EGFR: variants seen among roughly 807,000 people sequenced by gnomAD.
The protein encoded by EGFR is avian erythroblastic leukemia viral (v-erb-b) oncogene homolog.
EGFR carries 58 observed loss-of-function variants against 143.0 expected under a neutral mutation model. That is an observed-to-expected ratio of 0.41 (90% CI 0.33 to 0.50). The LOEUF is 0.50. Among genes scored for constraint, EGFR ranks in the 20% least tolerant of loss-of-function variants. The pLI, the probability that EGFR is intolerant of heterozygous loss-of-function variation, is 0.39. For synonymous variants in EGFR, 613 were observed against 594.4 expected (o/e 1.03, Z -0.45); for missense variants, 1,307 against 1,579.0 (o/e 0.83, Z 2.92).
rs1258629991 is a variant in EGFR, at chr7:55,209,804, ATTTTT to A, written c.*4188_*4192del. On this transcript the variant is annotated 3_prime_UTR_variant, in exon 28 of 28. Transcript: ENST00000275493. The stretch of plus-strand genomic sequence containing the variant: ...TGTAGCACTGAACTTTGTACAATAT[ATTTTT>A]AGAAACTCATTTTTCTACTAAAACA... 1 of 152,192 alleles carries A rather than the reference ATTTTT, an allele frequency of 6.6e-6. No homozygotes were observed. The highest frequency in any genetic ancestry group is 1.5e-5 in the Non-Finnish European group (1 of 68,036). 9.4% of individuals were successfully genotyped at this position (152,192 alleles called of 1,614,324 possible).
intron 1 of EGFR, among the ~76,000 whole-genome samples, chr7:55,116,250 C>T (rs1390829615): frequency 2.0e-5 from 3 of 152,368 alleles, no homozygotes; most frequent in African/African-American, 7.2e-5. Flanking sequence ...GGCCTTCACA[C>T]CTTCTCTGCT....
chr7:55,179,366 G>A (rs1469956807), intron 19 of EGFR, among the ~76,000 whole-genome samples: 7 of 152,232 alleles, frequency 4.6e-5, no homozygotes, highest in African/African-American at 1.7e-4. Flanking sequence ...AGGTTCCCAG[G>A]CAATGCTGAG....
At chr7:55,133,426 G>T (rs1359321500) in intron 1 of EGFR, among the ~76,000 whole-genome samples, 1 of 152,226 alleles carries the variant, frequency 6.6e-6, no homozygotes, top group Admixed American at 6.5e-5. Flanking sequence ...GGGACGTGAA[G>T]TCAGAGGGGA....
intron 1 of EGFR, among the ~76,000 whole-genome samples, chr7:55,032,885 C>T (rs1374557507): frequency 1.3e-5 from 2 of 152,192 alleles, no homozygotes; most frequent in Non-Finnish European, 2.9e-5. Context: ...CAGGAATTTA[C>T]TACCTTTGCA....
chr7:55,082,726 G>A (rs1790534191), intron 1 of EGFR, among the ~76,000 whole-genome samples: 2 of 152,222 alleles, frequency 1.3e-5, no homozygotes, highest in Admixed American at 6.5e-5. Flanking sequence ...GCCGTAGTGT[G>A]TGGCTTCCCC....
At chr7:55,121,763 T>C (rs1424650494) in intron 1 of EGFR, among the ~76,000 whole-genome samples, 4 of 152,242 alleles carry the variant, frequency 2.6e-5, no homozygotes, top group Non-Finnish European at 5.9e-5. Flanking sequence ...AAGAACTTCC[T>C]CTTACTAGAA....
intron 1 of EGFR, among the ~76,000 whole-genome samples, chr7:55,134,450 C>T (rs577549353): frequency 4.6e-5 from 7 of 152,344 alleles, no homozygotes; most frequent in South Asian, 4.1e-4. Flanking sequence ...TGCCTTCCTC[C>T]GTCCAAAAGC....
intron 1 of EGFR, among the ~76,000 whole-genome samples, chr7:55,116,744 TAGA>T (rs2128910993): frequency 6.6e-6 from 1 of 152,352 alleles, no homozygotes; most frequent in South Asian, 2.1e-4. Context: ...TTTGCTTACA[TAGA>T]ATCCTCCAGT....
At chr7:55,133,294 T>G (rs1347010739) in intron 1 of EGFR, among the ~76,000 whole-genome samples, 1 of 152,000 alleles carries the variant, frequency 6.6e-6, no homozygotes, top group Non-Finnish European at 1.5e-5. Context: ...GAAGAAAGAG[T>G]GAGCTGCCCA....
Position 55,019,370 on chromosome 7 carries a change from G to T in EGFR, c.88+5G>T, listed in dbSNP as rs2128853566. 3 of 1,470,802 alleles carry T rather than the reference G, an allele frequency of 2.0e-6. No homozygotes were observed. The highest frequency in any genetic ancestry group is 2.1e-4 in the Middle Eastern group (1 of 4,810). The allele number at this position is 1,470,802 out of a possible 1,614,324, so 91.1% of individuals were successfully genotyped here. On this transcript the variant is annotated splice_donor_5th_base_variant and intron_variant, in intron 1 of 27. Coordinates refer to ENST00000275493, the MANE Select transcript of EGFR (RefSeq NM_005228.5). ...GGGCTCTGGAGGAAAAGAAAGGTAAGGGCGTGTCTCGCCGGCTCCCGCGCC... is the reference window on the plus strand; with the variant it reads ...GGGCTCTGGAGGAAAAGAAAGGTAATGGCGTGTCTCGCCGGCTCCCGCGCC...
At chr7:55,161,828 G>A (rs562341620) in intron 13 of EGFR, among the ~76,000 whole-genome samples, 197 bp downstream of exon 13, 68 of 152,170 alleles carry the variant, frequency 4.5e-4, no homozygotes, top group Non-Finnish European at 8.5e-4. Context: ...AGCACAATAG[G>A]AAATAAGCAA....
At chr7:55,050,325 T>C (rs753074519) in intron 1 of EGFR, among the ~76,000 whole-genome samples, 5 of 152,214 alleles carry the variant, frequency 3.3e-5, no homozygotes, top group African/African-American at 4.8e-5. Context: ...GCACCTCTTA[T>C]AAGTGGATCA....
intron 1 of EGFR, among the ~76,000 whole-genome samples, chr7:55,127,892 G>A (rs1793621624): frequency 1.3e-5 from 2 of 152,222 alleles, no homozygotes. Context: ...TCAGCCCCGG[G>A]AAAGGCCACT....
intron 1 of EGFR, among the ~76,000 whole-genome samples, chr7:55,087,453 A>G (rs1445086292): frequency 6.6e-6 from 1 of 152,150 alleles, no homozygotes; most frequent in Non-Finnish European, 1.5e-5. Flanking sequence ...TCTCAGAAAC[A>G]TTCTATCCGG....
At chr7:55,042,173 A>T (rs1486794706) in intron 1 of EGFR, among the ~76,000 whole-genome samples, 1 of 152,246 alleles carries the variant, frequency 6.6e-6, no homozygotes, top group East Asian at 1.9e-4. Context: ...CATGACAACC[A>T]TTAAAGATTA....
intron 16 of EGFR, 141 bp downstream of exon 16, chr7:55,171,354 G>C (rs1188163766): frequency 4.0e-6 from 5 of 1,242,242 alleles, no homozygotes; most frequent in Non-Finnish European, 5.8e-6. Flanking sequence ...CCCTCAGCCA[G>C]GGTTTCTGCA....
At chr7:55,066,543 A>G (rs1217556661) in intron 1 of EGFR, among the ~76,000 whole-genome samples, 1 of 152,202 alleles carries the variant, frequency 6.6e-6, no homozygotes, top group African/African-American at 2.4e-5. Flanking sequence ...ACTGTAACGA[A>G]TTATCTTTCG....
At chr7:55,056,777 T>C (rs1260320424) in intron 1 of EGFR, among the ~76,000 whole-genome samples, 2 of 152,230 alleles carry the variant, frequency 1.3e-5, no homozygotes, top group African/African-American at 2.4e-5. Context: ...GGTGTTTTCA[T>C]TGGATCCAAA....
intron 15 of EGFR, among the ~76,000 whole-genome samples, chr7:55,169,004 T>G (rs1786209879): frequency 6.6e-6 from 1 of 152,082 alleles, no homozygotes; most frequent in African/African-American, 2.4e-5. Context: ...GAGCCCAGAC[T>G]ACAGCATAAG....
Sources: allele counts gnomAD v4.1 joint callset (sites outside exome capture counted in the v4.1 genomes callset), GRCh38; gene constraint gnomAD v4.1.1; transcripts MANE v1.5; gene names NCBI Gene and HGNC (gene_info 2026-07-23, HGNC 2026-07-21).